Variants in APBB2 observed in about 807,000 individuals in gnomAD.
APBB2 encodes Fe65-like 1.
APBB2 carries 38 observed loss-of-function variants against 82.5 expected under a neutral mutation model. The observed-to-expected ratio is 0.46, with a 90% CI of 0.36 to 0.60. APBB2 has a LOEUF of 0.60. APBB2 is among the 20% of genes least tolerant of loss of function. The pLI is 0.00. For missense variants in APBB2, 772 were observed against 972.3 expected (o/e 0.79, Z 2.74); for synonymous variants, 341 against 368.2 (o/e 0.93, Z 0.85).
chr4:41,185,165 A>G lies in APBB2; in HGVS notation c.-417+29240T>C, dbSNP rs1412746579. Among the ~76,000 whole-genome samples, 5 of 152,252 alleles carry G rather than the reference A, an allele frequency of 3.3e-5. No homozygotes were observed. In the East Asian group the frequency reaches 5.8e-4, roughly 18 times the overall value. ...AGGAGAGCAGAAAGAAGAAAGGGCA[A>G]TAAGTATTTGGATAGATGACTGGCC... On this transcript the variant is annotated intron_variant, in intron 1 of 17. Coordinates refer to ENST00000508593, the MANE Select transcript of APBB2 (RefSeq NM_004307.2).
chr4:40,831,092 T>C (rs1216054131), intron 12 of APBB2, among the ~76,000 whole-genome samples: 1 of 152,066 alleles, frequency 6.6e-6, no homozygotes, highest in African/African-American at 2.4e-5. Context: ...GAACAAGACT[T>C]AGCCTCTAAA....
intron 3 of APBB2, among the ~76,000 whole-genome samples, chr4:41,099,423 G>T (rs1184824971): frequency 2.0e-5 from 3 of 152,068 alleles, no homozygotes; most frequent in Non-Finnish European, 4.4e-5. Flanking sequence ...CAGAGATGGG[G>T]TTTCTCCATG....
At chr4:40,924,362 A>T (rs1782080405) in intron 10 of APBB2, among the ~76,000 whole-genome samples, 1 of 152,174 alleles carries the variant, frequency 6.6e-6, no homozygotes, top group South Asian at 2.1e-4. Context: ...GTACCTCCCA[A>T]AGATGGCTGC....
chr4:40,853,598 C>A (rs894686149), intron 12 of APBB2, among the ~76,000 whole-genome samples: 1 of 152,058 alleles, frequency 6.6e-6, no homozygotes, highest in Non-Finnish European at 1.5e-5. Flanking sequence ...TACAGGCACG[C>A]ACCACCATGT....
chr4:41,188,084 C>CTG (rs1773413197), intron 1 of APBB2, among the ~76,000 whole-genome samples: 1 of 152,096 alleles, frequency 6.6e-6, no homozygotes, highest in Non-Finnish European at 1.5e-5. Context: ...TGCCTATAAA[C>CTG]TGTGATAGGT....
intron 6 of APBB2, among the ~76,000 whole-genome samples, chr4:40,966,574 G>A (rs146141287): frequency 1.4e-4 from 22 of 152,300 alleles, no homozygotes; most frequent in Admixed American, 2.6e-4. Flanking sequence ...GCTCAGAAGT[G>A]CCTGTTCCTG....
chr4:41,026,643 G>A (rs1019969851), intron 5 of APBB2, among the ~76,000 whole-genome samples: 1 of 152,140 alleles, frequency 6.6e-6, no homozygotes, highest in Non-Finnish European at 1.5e-5. Context: ...GTTCATCCAT[G>A]TTGTAGCATG....
chr4:41,028,436 T>C (rs1349093441), intron 5 of APBB2, among the ~76,000 whole-genome samples: 1 of 152,150 alleles, frequency 6.6e-6, no homozygotes, highest in Non-Finnish European at 1.5e-5. Context: ...AGAGTGGTGC[T>C]CTGTTTTCTC....
chr4:41,099,641 G>A (rs935030797), intron 3 of APBB2, among the ~76,000 whole-genome samples: 14 of 151,902 alleles, frequency 9.2e-5, no homozygotes, highest in African/African-American at 3.4e-4. Context: ...TATAAAATCC[G>A]ATCTTACTAT....
chr4:41,041,115 T>G (rs573579808), intron 4 of APBB2, among the ~76,000 whole-genome samples: 1 of 152,154 alleles, frequency 6.6e-6, no homozygotes, highest in South Asian at 2.1e-4. Flanking sequence ...CTCCTGATCT[T>G]GTGATTCCCC....
rs542573879 is a variant in APBB2, at chr4:40,914,781, T to C, written c.1254+19675A>G. ...TGCCGCAAATGATGAGAATCAGCAG[T>C]ATCTGTCCTTCTTCACAGAGCAAGA... On this transcript the variant is annotated intron_variant, in intron 10 of 17. Transcript: ENST00000508593. 7.3e-5 allele frequency among the ~76,000 whole-genome samples: 11 copies of C among 151,622 alleles called. No individual in the cohort carries two copies. The South Asian group carries it at 2.1e-3, about 29-fold the overall frequency.
At chr4:40,967,835 C>G (rs1266791398) in intron 6 of APBB2, among the ~76,000 whole-genome samples, 1 of 152,176 alleles carries the variant, frequency 6.6e-6, no homozygotes, top group East Asian at 1.9e-4. Flanking sequence ...CTCCAAGGAT[C>G]CTGTGACATT....
chr4:40,833,553 C>T (rs1257669872), intron 12 of APBB2, among the ~76,000 whole-genome samples: 2 of 109,144 alleles, frequency 1.8e-5, no homozygotes, highest in African/African-American at 3.8e-5. Context: ...AAGAAGAGGT[C>T]GTTATATCAT....
At chr4:41,088,140 C>T (rs1740461266) in intron 3 of APBB2, among the ~76,000 whole-genome samples, 1 of 152,200 alleles carries the variant, frequency 6.6e-6, no homozygotes, top group Non-Finnish European at 1.5e-5. Flanking sequence ...AAAATGAGAA[C>T]TGCAGAAGAG....
chr4:40,852,167 T>G (rs1439528346), intron 12 of APBB2, among the ~76,000 whole-genome samples: 1 of 151,614 alleles, frequency 6.6e-6, no homozygotes, highest in Non-Finnish European at 1.5e-5. Flanking sequence ...CTGGCGAACA[T>G]AGTGAAACCC....
At chr4:41,171,544 G>C (rs527895950) in intron 1 of APBB2, among the ~76,000 whole-genome samples, 1 of 152,236 alleles carries the variant, frequency 6.6e-6, no homozygotes, top group African/African-American at 2.4e-5. Flanking sequence ...GCTCAGCAAA[G>C]GTCTAGTGAC....
At chr4:40,842,937 G>A (rs1756330760) in intron 12 of APBB2, among the ~76,000 whole-genome samples, 1 of 152,120 alleles carries the variant, frequency 6.6e-6, no homozygotes. Context: ...ACAGCTCAAT[G>A]GGGGAGAGAT....
intron 12 of APBB2, among the ~76,000 whole-genome samples, chr4:40,882,819 T>A (rs1314062955): frequency 6.6e-6 from 1 of 152,176 alleles, no homozygotes; most frequent in East Asian, 1.9e-4. Flanking sequence ...GTGACTGGTT[T>A]TCACACTGCG....
chr4:40,883,047 C>T (rs1769118330), intron 12 of APBB2, among the ~76,000 whole-genome samples: 1 of 152,104 alleles, frequency 6.6e-6, no homozygotes, highest in Admixed American at 6.5e-5. Flanking sequence ...TGAGGGATGG[C>T]AGAGCAACAA....
Sources: gnomAD v4.1 joint callset for allele counts (sites outside exome capture counted in the v4.1 genomes callset) on GRCh38, gnomAD v4.1.1 for gene constraint, MANE v1.5 for transcripts, NCBI Gene and HGNC (gene_info 2026-07-23, HGNC 2026-07-21) for gene names.